The following LOC728392 variants were observed in gnomAD, a reference collection of about 807,000 sequenced individuals.
chr17:5,500,453 T>C, the LOC728392 span: 2 of 1,141,596 alleles, frequency 1.8e-6, no homozygotes, highest in African/African-American at 3.4e-5. This position sits in a 1 kb window ranked among gnomAD's most constrained non-coding sequence, Gnocchi z 5.4. Flanking sequence ...TAGACAAAGA[T>C]AGTGACAACA....
chr17:5,500,583 C>T, the LOC728392 span: 2 of 1,244,060 alleles, frequency 1.6e-6, no homozygotes, highest in Non-Finnish European at 1.0e-6. This position sits in a 1 kb window ranked among gnomAD's most constrained non-coding sequence, Gnocchi z 5.4. Context: ...CCCACCCCGT[C>T]CCGCGCTGGC....
the LOC728392 span, chr17:5,500,459 C>T: frequency 6.1e-6 from 7 of 1,145,662 alleles, no homozygotes; most frequent in African/African-American, 1.7e-5. This position sits in a 1 kb window ranked among gnomAD's most constrained non-coding sequence, Gnocchi z 5.4. Context: ...AAGATAGTGA[C>T]AACAAAGACG....
At chr17:5,500,152 G>A in the LOC728392 span, 7 of 986,832 alleles carry the variant, frequency 7.1e-6, no homozygotes, top group East Asian at 2.3e-4. The surrounding 1 kb of genome is among the most constrained non-coding windows in gnomAD (Gnocchi z 5.4). Flanking sequence ...GGCCCACCCC[G>A]GGCCAGGGCG....
At chr17:5,500,778 C>G in the LOC728392 span, 1 of 1,182,082 alleles carries the variant, frequency 8.5e-7, no homozygotes, top group Non-Finnish European at 1.1e-6. The surrounding 1 kb of genome is among the most constrained non-coding windows in gnomAD (Gnocchi z 5.4). Flanking sequence ...GGCGCGGCCC[C>G]CCTGCGCCCT....
the LOC728392 span, chr17:5,500,719 G>A: frequency 4.0e-6 from 5 of 1,246,958 alleles, no homozygotes; most frequent in South Asian, 6.8e-5. This position sits in a 1 kb window ranked among gnomAD's most constrained non-coding sequence, Gnocchi z 5.4. Flanking sequence ...TCCAGTGGAG[G>A]CGCCTCCTTC....
the LOC728392 span, chr17:5,499,869 G>A: frequency 1.0e-6 from 1 of 985,864 alleles, no homozygotes; most frequent in Non-Finnish European, 1.2e-6. Flanking sequence ...CGCGAGTCCC[G>A]GACACTTCCA....
the LOC728392 span, chr17:5,500,316 A>T: frequency 4.8e-6 from 5 of 1,042,442 alleles, no homozygotes; most frequent in Non-Finnish European, 5.8e-6. The surrounding 1 kb of genome is among the most constrained non-coding windows in gnomAD (Gnocchi z 5.4). Context: ...GTAGGGGTCC[A>T]GGGGCATTCT....
the LOC728392 span, chr17:5,500,675 G>A: frequency 7.9e-7 from 1 of 1,272,918 alleles, no homozygotes; most frequent in Non-Finnish European, 1.0e-6. The surrounding 1 kb of genome is among the most constrained non-coding windows in gnomAD (Gnocchi z 5.4). Flanking sequence ...TGAAGATGGA[G>A]AGGTGCGGAA....
the LOC728392 span, chr17:5,500,096 G>A: frequency 1.0e-6 from 1 of 986,284 alleles, no homozygotes; most frequent in Non-Finnish European, 1.2e-6. The surrounding 1 kb of genome is among the most constrained non-coding windows in gnomAD (Gnocchi z 5.4). Context: ...CCAACTCTGG[G>A]GCACAGCTGG....
At chr17:5,500,276 T>A in the LOC728392 span, 1 of 999,054 alleles carries the variant, frequency 1.0e-6, no homozygotes, top group Non-Finnish European at 1.2e-6. This position sits in a 1 kb window ranked among gnomAD's most constrained non-coding sequence, Gnocchi z 5.4. Context: ...AATGATGGGA[T>A]CCCTGCGCGT....
At chr17:5,500,559 C>G in the LOC728392 span, 6 of 1,214,328 alleles carry the variant, frequency 4.9e-6, no homozygotes, top group Middle Eastern at 2.5e-4. The surrounding 1 kb of genome is among the most constrained non-coding windows in gnomAD (Gnocchi z 5.4). Context: ...TTTCCCTCCC[C>G]GCTCGGTCCT....
At chr17:5,500,834 C>A in the LOC728392 span, 35 of 1,206,798 alleles carry the variant, frequency 2.9e-5, no homozygotes, top group Non-Finnish European at 3.4e-5. This position sits in a 1 kb window ranked among gnomAD's most constrained non-coding sequence, Gnocchi z 5.4. Context: ...CCGACGCCGA[C>A]CTGGGCCCGC....
chr17:5,500,814 T>C, the LOC728392 span: 2 of 1,176,034 alleles, frequency 1.7e-6, no homozygotes, highest in Admixed American at 8.0e-5. This position sits in a 1 kb window ranked among gnomAD's most constrained non-coding sequence, Gnocchi z 5.4. Context: ...ACCAGCCTTC[T>C]TGCCCGCGGC....
chr17:5,500,354 C>G, the LOC728392 span: 2 of 1,042,050 alleles, frequency 1.9e-6, no homozygotes, highest in Non-Finnish European at 2.3e-6. This position sits in a 1 kb window ranked among gnomAD's most constrained non-coding sequence, Gnocchi z 5.4. Flanking sequence ...AATCACACCC[C>G]AAAATTCTAA....
At chr17:5,500,768 G>C in the LOC728392 span, 4 of 1,203,748 alleles carry the variant, frequency 3.3e-6, no homozygotes, top group Non-Finnish European at 4.2e-6. This position sits in a 1 kb window ranked among gnomAD's most constrained non-coding sequence, Gnocchi z 5.4. Flanking sequence ...GGGGCTGCCC[G>C]GCGCGGCCCC....
chr17:5,500,153 G>A, the LOC728392 span: 16 of 986,480 alleles, frequency 1.6e-5, no homozygotes, highest in South Asian at 7.5e-4. This position sits in a 1 kb window ranked among gnomAD's most constrained non-coding sequence, Gnocchi z 5.4. Context: ...GCCCACCCCG[G>A]GCCAGGGCGC....
chr17:5,499,843 C>T, the LOC728392 span: 13 of 985,960 alleles, frequency 1.3e-5, no homozygotes, highest in South Asian at 5.2e-4. Flanking sequence ...CCGGCGGGGT[C>T]TGCAGCCACA....
the LOC728392 span, chr17:5,500,215 C>A: frequency 3.6e-5 from 36 of 989,900 alleles, no homozygotes; most frequent in Non-Finnish European, 4.2e-5. The surrounding 1 kb of genome is among the most constrained non-coding windows in gnomAD (Gnocchi z 5.4). Flanking sequence ...GGGTCTGGCT[C>A]ATCCCTTAAA....
the LOC728392 span, chr17:5,499,858 C>G: frequency 1.1e-4 from 112 of 985,776 alleles, no homozygotes; most frequent in Non-Finnish European, 1.3e-4. Flanking sequence ...GCCACAGGTC[C>G]CGCGAGTCCC....
Sources: gnomAD v4.1 joint callset for allele counts on GRCh38, gnomAD v4.1.1 for gene constraint, Gnocchi (gnomAD v3.1) non-coding constraint, MANE v1.5 for transcripts.